Variants in TMEM132C observed in about 807,000 individuals in gnomAD.
TMEM132C encodes protein phosphatase 1, regulatory subunit 152.
Under a neutral mutation model 61.4 loss-of-function variants are expected in TMEM132C, and 29 were observed. The observed-to-expected ratio is 0.47, with a 90% CI of 0.35 to 0.64. The LOEUF (loss-of-function observed/expected upper bound fraction) is 0.64. Ranked by LOEUF, TMEM132C falls within the 30% of genes least tolerant of loss-of-function variation. TMEM132C has a pLI of 0.00. For synonymous variants in TMEM132C, 656 were observed against 633.1 expected (o/e 1.04, Z -0.54); for missense variants, 1,408 against 1,476.9 (o/e 0.95, Z 0.76).
At chr12:128,589,892 C>G (rs1267959904) in intron 3 of TMEM132C, among the ~76,000 whole-genome samples, 1 of 152,262 alleles carries the variant, frequency 6.6e-6, no homozygotes, top group Middle Eastern at 3.4e-3. Flanking sequence ...ACTAAATGGT[C>G]ACTGCACGTG....
At chr12:128,523,766 G>A (rs546701343) in intron 2 of TMEM132C, among the ~76,000 whole-genome samples, 23 of 148,458 alleles carry the variant, frequency 1.5e-4, no homozygotes, top group Non-Finnish European at 2.4e-4. Context: ...TTGAGAGGCC[G>A]AGGGAGGAGG....
chr12:128,325,080 C>A (rs1434956609), intron 1 of TMEM132C, among the ~76,000 whole-genome samples: 1 of 152,114 alleles, frequency 6.6e-6, no homozygotes, highest in Non-Finnish European at 1.5e-5. Flanking sequence ...TACTTGAAGG[C>A]CTGATACTCT....
chr12:128,506,874 G>A (rs989397925), intron 2 of TMEM132C, among the ~76,000 whole-genome samples: 2 of 152,164 alleles, frequency 1.3e-5, no homozygotes, highest in Non-Finnish European at 2.9e-5. Context: ...AGTGCTGGAC[G>A]GTGTGACCAC....
intron 1 of TMEM132C, among the ~76,000 whole-genome samples, chr12:128,357,202 C>T (rs1873535116): frequency 6.6e-6 from 1 of 152,112 alleles, no homozygotes; most frequent in Non-Finnish European, 1.5e-5. Flanking sequence ...ACCTGTGGCC[C>T]ACCAAACTCA....
intron 3 of TMEM132C, among the ~76,000 whole-genome samples, chr12:128,604,909 A>G (rs1876364579): frequency 6.6e-6 from 1 of 150,530 alleles, no homozygotes; most frequent in South Asian, 2.1e-4. Flanking sequence ...TGGATGGTTG[A>G]ATGGATGGAT....
rs546518760 is a variant in TMEM132C, at chr12:128,697,335, G to A, written c.2041G>A (p.Ala681Thr). Residue 681 changes from alanine (A) to threonine (T), a missense_variant, in exon 8 of 9, where the codon GCC (alanine) becomes ACC (threonine). Transcript: ENST00000435159. ...AIQLVAGLSV[A>T]LYPNAENSKA... ...CCAGCTCGTGGCTGGGCTGTCTGTC[G>A]CCCTTTACCCCAACGCAGAAAACAG... The A allele has an allele frequency of 3.4e-4, 521 of 1,551,228 alleles. 2 individuals carry two copies. The highest frequency in any genetic ancestry group is 5.5e-4 in the Admixed American group (28 of 50,978).
chr12:128,475,973 A>G (rs2034997455), intron 2 of TMEM132C, among the ~76,000 whole-genome samples: 1 of 152,232 alleles, frequency 6.6e-6, no homozygotes, highest in Non-Finnish European at 1.5e-5. Context: ...AGGAACCTAC[A>G]GAAATGTCTG....
chr12:128,656,405 G>A (rs2135616331), intron 4 of TMEM132C, among the ~76,000 whole-genome samples: 1 of 152,314 alleles, frequency 6.6e-6, no homozygotes, highest in East Asian at 1.9e-4. Flanking sequence ...GACTGCTGGT[G>A]TTCCAGCCAT....
At chr12:128,619,434 G>C (rs114413127) in intron 4 of TMEM132C, among the ~76,000 whole-genome samples, 1 of 152,158 alleles carries the variant, frequency 6.6e-6, no homozygotes, top group Non-Finnish European at 1.5e-5. Context: ...ACGTGCTCTC[G>C]ACTCTCCCCA....
rs116693064 is a variant in TMEM132C at position 128,526,428 on chromosome 12, C to T, written c.975-17529C>T. On this transcript the variant is annotated intron_variant, in intron 2 of 8. Coordinates refer to ENST00000435159, the MANE Select transcript of TMEM132C (RefSeq NM_001136103.3). ...TAGTCTCTATTATAAGGGCACCCTT[C>T]CCATTCATGAGGGTTCCACCCTGGG... Among the ~76,000 whole-genome samples the T allele has an allele frequency of 5.1e-3, 771 of 152,242 alleles. 6 individuals carry two copies. The highest frequency in any genetic ancestry group is 0.018 in the African/African-American group (749 of 41,550).
chr12:128,304,828 G>C (rs565619081), intron 1 of TMEM132C, among the ~76,000 whole-genome samples: 11 of 152,286 alleles, frequency 7.2e-5, no homozygotes, highest in South Asian at 2.1e-4. Context: ...GGTGCATCTG[G>C]CCACTTCAGT....
At chr12:128,511,276 A>G (rs2136118269) in intron 2 of TMEM132C, among the ~76,000 whole-genome samples, 1 of 152,344 alleles carries the variant, frequency 6.6e-6, no homozygotes, top group African/African-American at 2.4e-5. Context: ...GGCACCTTCC[A>G]TAAACCAGAC....
intron 5 of TMEM132C, among the ~76,000 whole-genome samples, chr12:128,688,139 C>T (rs907287878): frequency 1.3e-5 from 2 of 152,232 alleles, no homozygotes; most frequent in Non-Finnish European, 2.9e-5. Context: ...AGTTGCTGGA[C>T]AGTGGCCTCT....
intron 1 of TMEM132C, among the ~76,000 whole-genome samples, chr12:128,380,629 G>A (rs548847053): frequency 1.3e-5 from 2 of 152,250 alleles, no homozygotes; most frequent in East Asian, 1.9e-4. Flanking sequence ...GGAAATATAA[G>A]CCAGGCATGG....
rs528077772 is a variant in TMEM132C at position 128,387,122 on chromosome 12, CAG to C, written c.86-27607_86-27606del. 2.3e-4 allele frequency among the ~76,000 whole-genome samples: 25 copies of C among 108,474 alleles called. No individual in the cohort carries two copies. In the East Asian group the frequency reaches 5.5e-3, roughly 24 times the overall value. 71.2% of individuals were successfully genotyped at this position (108,474 alleles called of 152,430 possible). A position where few individuals can be genotyped will look rare whatever the true frequency, so the allele number is the denominator to read the frequency against. ...TACCACTGTACTGCAGCCTGGGTAACAGAGCAAGACTCTGCCTCAAAAAAAAA... is the reference window on the plus strand; with the variant it reads ...TACCACTGTACTGCAGCCTGGGTAACAGCAAGACTCTGCCTCAAAAAAAAA... On this transcript the variant is annotated intron_variant, in intron 1 of 8. Coordinates refer to ENST00000435159, the MANE Select transcript of TMEM132C (RefSeq NM_001136103.3).
At chr12:128,592,637 C>T (rs1875794085) in intron 3 of TMEM132C, among the ~76,000 whole-genome samples, 1 of 152,228 alleles carries the variant, frequency 6.6e-6, no homozygotes, top group Non-Finnish European at 1.5e-5. Flanking sequence ...CCTGCCCTGG[C>T]TGGAAACTTG....
chr12:128,434,572 G>A (rs1466102675), intron 2 of TMEM132C, among the ~76,000 whole-genome samples: 1 of 151,908 alleles, frequency 6.6e-6, no homozygotes, highest in Non-Finnish European at 1.5e-5. Context: ...ACAGGTGTGA[G>A]CCACCGCACC....
intron 3 of TMEM132C, among the ~76,000 whole-genome samples, chr12:128,579,317 C>T (rs915958418): frequency 6.6e-6 from 1 of 152,160 alleles, no homozygotes; most frequent in African/African-American, 2.4e-5. Context: ...ATCAATAAAT[C>T]GTTTCTACTC....
intron 1 of TMEM132C, among the ~76,000 whole-genome samples, chr12:128,386,010 G>A (rs566944055): frequency 1.3e-5 from 2 of 152,052 alleles, no homozygotes; most frequent in African/African-American, 2.4e-5. Context: ...AGCCCCTCAC[G>A]AAGTATTTGG....
Sources: gnomAD v4.1 joint callset for allele counts (sites outside exome capture counted in the v4.1 genomes callset) on GRCh38, gnomAD v4.1.1 for gene constraint, MANE v1.5 for transcripts, NCBI Gene and HGNC (gene_info 2026-07-23, HGNC 2026-07-21) for gene names.